The following BIRC6 variants were observed in gnomAD, a reference collection of about 807,000 sequenced individuals.
The protein encoded by BIRC6 is baculoviral IAP repeat containing 6.
Under a neutral mutation model 503.3 loss-of-function variants are expected in BIRC6, and 98 were observed. The ratio of observed to expected loss-of-function variants is 0.19; its 90% CI spans 0.17 to 0.23. BIRC6 has a LOEUF of 0.23. BIRC6 is among the 10% of genes least tolerant of loss of function. BIRC6 has a pLI of 1.00. For synonymous variants in BIRC6, 2,240 were observed against 2,078.7 expected (o/e 1.08, Z -2.11); for missense variants, 5,360 against 5,806.0 (o/e 0.92, Z 2.50).
chr2:32,514,158 A>G (rs2149684411), intron 54 of BIRC6, among the ~76,000 whole-genome samples: 1 of 152,066 alleles, frequency 6.6e-6, no homozygotes, highest in Non-Finnish European at 1.5e-5. Context: ...AAATCTCTAC[A>G]AAAAAATTAA....
At chr2:32,453,754 A>G (rs114417101) in intron 22 of BIRC6, 54 bp from the exon 23 acceptor site, 7 of 1,544,874 alleles carry the variant, frequency 4.5e-6, no homozygotes, top group Admixed American at 1.7e-5. Context: ...TGTTGTGACT[A>G]TTGCTTTTTA....
intron 65 of BIRC6, among the ~76,000 whole-genome samples, chr2:32,569,052 C>T (rs1196966211): frequency 2.8e-5 from 4 of 144,834 alleles, no homozygotes; most frequent in Admixed American, 2.1e-4. Context: ...TGCAGTGGTG[C>T]GATCTGGGCT....
In BIRC6 at chr2:32,462,105, A is replaced by G. The variant is rs116588662; in HGVS notation, c.4754-1089A>G. ...TGATGCCTGGGCCATAAAGTTGCCC[A>G]TAAAGTGAATTGTAGTTATTCTTTA... is the stretch of plus-strand genomic sequence containing the variant. On this transcript the variant is annotated intron_variant, in intron 23 of 73. Coordinates refer to ENST00000421745, the MANE Select transcript of BIRC6 (RefSeq NM_016252.4). Among the ~76,000 whole-genome samples the G allele has an allele frequency of 7.4e-3, 1,133 of 152,204 alleles. 8 individuals are homozygous for G. The highest frequency in any genetic ancestry group is 0.021 in the Middle Eastern group (6 of 286).
chr2:32,459,064 A>G (rs185654315), intron 23 of BIRC6, among the ~76,000 whole-genome samples: 131 of 152,236 alleles, frequency 8.6e-4, no homozygotes, highest in African/African-American at 3.1e-3. Context: ...CTTTTTAGGT[A>G]GGTTTTAAAA....
At chr2:32,367,673 G>C (rs1028379290) in intron 1 of BIRC6, among the ~76,000 whole-genome samples, 10 of 151,912 alleles carry the variant, frequency 6.6e-5, no homozygotes, top group South Asian at 2.1e-4. Context: ...AAAATTAGCT[G>C]GGTGTGGTGG....
At chr2:32,495,276 C>T (rs757034448) in intron 45 of BIRC6, among the ~76,000 whole-genome samples, 28 of 152,262 alleles carry the variant, frequency 1.8e-4, no homozygotes, top group Admixed American at 1.2e-3. Flanking sequence ...GAGGTTTATA[C>T]GCCACAGAAA....
At chr2:32,494,147 T>C (rs547107611) in intron 45 of BIRC6, among the ~76,000 whole-genome samples, 1 of 152,330 alleles carries the variant, frequency 6.6e-6, no homozygotes, top group African/African-American at 2.4e-5. Context: ...TTATAATGCA[T>C]GAATGCTTCA....
At chr2:32,588,219 G>A (rs112645417) in intron 66 of BIRC6, among the ~76,000 whole-genome samples, 9,083 of 152,200 alleles carry the variant, frequency 0.06, 351 homozygotes, top group Non-Finnish European at 0.084. Context: ...GCCAGGCGTG[G>A]TGGTAGGTGC....
rs2149032380 is a variant in BIRC6, at chr2:32,472,966, A to T, written c.6593-146A>T. 6 of 628,726 alleles carry T rather than the reference A, an allele frequency of 9.5e-6. No homozygotes were observed. In the East Asian group the frequency reaches 1.9e-4, roughly 20 times the overall value. The allele number at this position is 628,726 out of a possible 1,614,324, so 38.9% of individuals were successfully genotyped here. A position where few individuals can be genotyped will look rare whatever the true frequency, so the allele number is the denominator to read the frequency against. On this transcript the variant is annotated intron_variant, in intron 32 of 73. Transcript: ENST00000421745. ...CAGTCTTTATAGAATCAGATCTTCT[A>T]GCAATTTCTTTACAATGTTTTTCTT...
At chr2:32,607,185 A>T (rs2062528771) in intron 71 of BIRC6, among the ~76,000 whole-genome samples, 1 of 118,950 alleles carries the variant, frequency 8.4e-6, no homozygotes, top group Non-Finnish European at 1.8e-5. Flanking sequence ...ATCTATTATT[A>T]TTATTATCAT....
At chr2:32,543,995 G>A (rs918901355) in intron 62 of BIRC6, among the ~76,000 whole-genome samples, 4 of 152,138 alleles carry the variant, frequency 2.6e-5, no homozygotes, top group African/African-American at 7.2e-5. Flanking sequence ...AGTTTTTAGT[G>A]GGGCCTTGAA....
chr2:32,592,900 G>A (rs2061471556), intron 66 of BIRC6, among the ~76,000 whole-genome samples: 1 of 151,992 alleles, frequency 6.6e-6, no homozygotes, highest in Non-Finnish European at 1.5e-5. Flanking sequence ...CAGCCTATTT[G>A]TTAAGGATTC....
rs775156403 is a variant in BIRC6, at chr2:32,502,840, A to C, written c.9253A>C (p.Ile3085Leu). Residue 3085 changes from isoleucine (I) to leucine (L), a missense_variant, in exon 48 of 74, where the codon ATT becomes CTT. Ile to Leu is a conservative substitution (Grantham distance 5, BLOSUM62 2). Coordinates refer to ENST00000421745, the MANE Select transcript of BIRC6 (RefSeq NM_016252.4). ...CQLSEPLLWF[I>L]LRVLDTSDAL... ...GTTATCTGAGCCATTATTGTGGTTC[A>C]TTTTGAGAGTATTGGATACTAGTGA... The C allele has an allele frequency of 3.7e-6, 6 of 1,612,866 alleles. No individual in the cohort carries two copies. The Admixed American group carries it at 5.0e-5, about 13-fold the overall frequency.
chr2:32,516,719 A>C (rs2055085956), intron 55 of BIRC6, among the ~76,000 whole-genome samples: 1 of 152,022 alleles, frequency 6.6e-6, no homozygotes, highest in Non-Finnish European at 1.5e-5. Context: ...TAAATCCTGA[A>C]AGGTAGAATT....
chr2:32,380,826 C>T (rs144527016), intron 3 of BIRC6, among the ~76,000 whole-genome samples: 1 of 152,298 alleles, frequency 6.6e-6, no homozygotes, highest in Non-Finnish European at 1.5e-5. Flanking sequence ...TCTGATGCTT[C>T]CTTAAATCTT....
chr2:32,472,816 A>G (rs911521687), intron 32 of BIRC6, among the ~76,000 whole-genome samples: 13 of 152,212 alleles, frequency 8.5e-5, no homozygotes, highest in Non-Finnish European at 1.5e-4. Flanking sequence ...GACATCATCA[A>G]AGTTGTATAG....
chr2:32,577,706 AT>A (rs2060355753), intron 66 of BIRC6, among the ~76,000 whole-genome samples: 2 of 152,198 alleles, frequency 1.3e-5, no homozygotes, highest in Non-Finnish European at 2.9e-5. Context: ...ATAACACTGT[AT>A]AATTTTTTGA....
At chr2:32,401,701 T>C in intron 8 of BIRC6, 78 bp downstream of exon 8, 1 of 1,305,438 alleles carries the variant, frequency 7.7e-7, no homozygotes. Context: ...GTTCTAATAA[T>C]TAAAGAGGAG....
intron 71 of BIRC6, among the ~76,000 whole-genome samples, chr2:32,606,204 C>G (rs2062437685): frequency 6.6e-6 from 1 of 152,136 alleles, no homozygotes; most frequent in African/African-American, 2.4e-5. Flanking sequence ...TAGAAATCAC[C>G]TCTCTTAATA....
Sources: allele counts gnomAD v4.1 joint callset (sites outside exome capture counted in the v4.1 genomes callset), GRCh38; gene constraint gnomAD v4.1.1; transcripts MANE v1.5; gene names NCBI Gene and HGNC (gene_info 2026-07-23, HGNC 2026-07-21).